The following SMC5 variants were observed in gnomAD, a reference collection of about 807,000 sequenced individuals.
The protein encoded by SMC5 is structural maintenance of chromosomes protein 5.
A neutral mutation model predicts 148.3 loss-of-function variants in SMC5; 88 were observed. That is an observed-to-expected ratio of 0.59 (90% CI 0.50 to 0.71). The LOEUF (loss-of-function observed/expected upper bound fraction) is 0.71. Ranked by LOEUF, SMC5 falls within the 30% of genes least tolerant of loss-of-function variation. The pLI, the probability that SMC5 is intolerant of heterozygous loss-of-function variation, is 0.00. For missense variants in SMC5, 1,142 were observed against 1,298.9 expected, an observed-to-expected ratio of 0.88 and a Z score of 1.86; for synonymous variants, 421 against 432.8, an observed-to-expected ratio of 0.97 and a Z score of 0.34.
At chr9:70,332,317 C>T (rs528688603) in intron 17 of SMC5, among the ~76,000 whole-genome samples, 4 of 151,994 alleles carry the variant, frequency 2.6e-5, no homozygotes, top group African/African-American at 9.6e-5. Context: ...GTCAGGAGTT[C>T]AAGACCAGTC....
chr9:70,277,800 C>T (rs895873411), intron 4 of SMC5, among the ~76,000 whole-genome samples: 13 of 151,476 alleles, frequency 8.6e-5, no homozygotes, highest in African/African-American at 2.4e-4. Context: ...AGTTTTTGTT[C>T]GTATACATTA....
rs374680348 is a variant in SMC5 at position 70,344,238 on chromosome 9, C to T, written c.2492C>T (p.Ala831Val). Reference sequence around the variant, plus strand: ...GCTAGGCAAGTATGTAACCTGGGTGCAGAGCAGACTCTTCCTCAAGAATAC... The same window carrying T: ...GCTAGGCAAGTATGTAACCTGGGTGTAGAGCAGACTCTTCCTCAAGAATAC... ...KRARQVCNLG[A>V]EQTLPQEYQT... Residue 831 changes from alanine to valine, a missense_variant, in exon 18 of 25, where the codon GCA (alanine) becomes GTA (valine). Coordinates refer to ENST00000361138, the MANE Select transcript of SMC5 (RefSeq NM_015110.4). 1.3e-6 allele frequency: 2 copies of T among 1,522,258 alleles called. No homozygotes were observed. Among genetic ancestry groups the T allele is most frequent in the African/African-American group, 1.4e-5 (1 of 71,766 alleles). The allele number at this position is 1,522,258 out of a possible 1,614,324, so 94.3% of individuals were successfully genotyped here. A position where few individuals can be genotyped will look rare whatever the true frequency, so the allele number is the denominator to read the frequency against.
Position 70,296,539 on chromosome 9 carries a change from T to C in SMC5, c.1054-1427T>C, listed in dbSNP as rs143875113. On this transcript the variant is annotated intron_variant, in intron 8 of 24. Coordinates refer to ENST00000361138, the MANE Select transcript of SMC5 (RefSeq NM_015110.4). ...CTGCACTCCAGCCTGGGCAACAGAG[T>C]GAGACTCTGTCTCAAAAAAAAAAAA... 3.9e-3 allele frequency among the ~76,000 whole-genome samples: 577 copies of C among 147,452 alleles called. 3 individuals are homozygous for C. Among genetic ancestry groups the C allele is most frequent in the African/African-American group, 0.014 (536 of 39,642 alleles).
Position 70,353,014 on chromosome 9 carries a change from A to G in SMC5, c.*683A>G, listed in dbSNP as rs993342828. On this transcript the variant is annotated 3_prime_UTR_variant, in exon 25 of 25. Transcript: ENST00000361138. ...TGGCCACTAGATGATGCAAAATACA[A>G]CCAAAAGATTGACTGAGAATAAAAT... 1.3e-5 allele frequency: 2 copies of G among 151,954 alleles called. No homozygotes were observed. Among genetic ancestry groups the G allele is most frequent in the Non-Finnish European group, 2.9e-5 (2 of 67,990 alleles). The allele number at this position is 151,954 out of a possible 1,614,324, so 9.4% of individuals were successfully genotyped here.
At chr9:70,266,042 A>G (rs2034282537) in intron 2 of SMC5, among the ~76,000 whole-genome samples, 1 of 152,200 alleles carries the variant, frequency 6.6e-6, no homozygotes, top group Non-Finnish European at 1.5e-5. Context: ...ACTGGAGAGT[A>G]TGCATTCTTT....
chr9:70,350,164 T>C lies in SMC5; in HGVS notation c.2940T>C (p.Ser980=). The change falls in exon 23 of 25, where the codon AGT becomes AGC. Residue 980 remains serine (S), a synonymous_variant. Transcript: ENST00000361138. ...GIRIRVKFRS[S]TQLHELTPHH... ...GAATTAGAGTCAAATTTCGAAGTAG[T>C]ACTCAACTGCATGAATTAACTCCTC... is the stretch of plus-strand genomic sequence containing the variant. The C allele has an allele frequency of 6.2e-7, 1 of 1,613,064 alleles. No individual in the cohort carries two copies. The highest frequency in any genetic ancestry group is 1.7e-5 in the Admixed American group (1 of 59,916).
chr9:70,287,910 A>G (rs1427787613), intron 8 of SMC5, among the ~76,000 whole-genome samples: 2 of 152,104 alleles, frequency 1.3e-5, no homozygotes, highest in African/African-American at 2.4e-5. Context: ...CCTTTACACT[A>G]TGGTTCCTAT....
intron 6 of SMC5, 45 bp downstream of exon 6, chr9:70,280,944 G>T: frequency 6.2e-7 from 1 of 1,603,028 alleles, no homozygotes. Context: ...TCTTTAAGTA[G>T]CAGAGTAATT....
intron 17 of SMC5, among the ~76,000 whole-genome samples, chr9:70,326,230 G>C (rs989190882): frequency 6.6e-6 from 1 of 152,102 alleles, no homozygotes; most frequent in Non-Finnish European, 1.5e-5. Flanking sequence ...GGATGGATGG[G>C]TGCAAGGGAT....
At chr9:70,342,517 A>G (rs2036556143) in intron 17 of SMC5, among the ~76,000 whole-genome samples, 1 of 152,086 alleles carries the variant, frequency 6.6e-6, no homozygotes, top group Non-Finnish European at 1.5e-5. Context: ...TTTTGTGCCA[A>G]CCAGAGTTTG....
Position 70,305,280 on chromosome 9 carries a change from A to G in SMC5, c.1498A>G (p.Ile500Val), listed in dbSNP as rs115446160. Residue 500 changes from isoleucine (I) to valine (V), a missense_variant, in exon 11 of 25, where the codon ATT becomes GTT. Ile to Val is a conservative substitution (Grantham distance 29). This residue lies in a region of SMC5 where 743 missense variants were observed against 835.7 expected (regional missense o/e 0.89). Coordinates refer to ENST00000361138, the MANE Select transcript of SMC5 (RefSeq NM_015110.4). Reference protein sequence around the residue: ...NMKDNKNAKYIENHIPSNDLR... With the variant: ...NMKDNKNAKYVENHIPSNDLR... The stretch of plus-strand genomic sequence containing the variant: ...GAAAGATAATAAAAATGCCAAATAT[A>G]TTGAAAATCATATTCCATCAAATGA... 37 of 1,591,698 alleles carry G rather than the reference A, an allele frequency of 2.3e-5. No individual in the cohort carries two copies. The African/African-American group carries it at 3.4e-4, about 14-fold the overall frequency.
At chr9:70,289,570 A>C (rs1230719605) in intron 8 of SMC5, among the ~76,000 whole-genome samples, 1 of 152,190 alleles carries the variant, frequency 6.6e-6, no homozygotes, top group African/African-American at 2.4e-5. Context: ...AAGTTTAAAC[A>C]GTTCACATTT....
chr9:70,308,566 G>T (rs557577871), intron 11 of SMC5, among the ~76,000 whole-genome samples: 82 of 118,642 alleles, frequency 6.9e-4, no homozygotes, highest in African/African-American at 2.4e-3. Flanking sequence ...CTGCACTCCA[G>T]CCTGGGCGAC....
Position 70,260,381 on chromosome 9 carries a change from A to C in SMC5, c.185+1118A>C, listed in dbSNP as rs577568731. Reference sequence around the variant, plus strand: ...CTCGGCCTCCCGTAGTGCTGGGATTACAGGCGTGAGCCACCATGTCCGGCC... The same window carrying C: ...CTCGGCCTCCCGTAGTGCTGGGATTCCAGGCGTGAGCCACCATGTCCGGCC... On this transcript the variant is annotated intron_variant, in intron 1 of 24. Coordinates refer to ENST00000361138, the MANE Select transcript of SMC5 (RefSeq NM_015110.4). Among the ~76,000 whole-genome samples the C allele has an allele frequency of 5.9e-5, 9 of 152,302 alleles. No homozygotes were observed. The South Asian group carries it at 1.9e-3, about 32-fold the overall frequency.
intron 8 of SMC5, among the ~76,000 whole-genome samples, chr9:70,295,205 C>T (rs1025066488): frequency 2.6e-5 from 4 of 151,772 alleles, no homozygotes; most frequent in African/African-American, 9.7e-5. Flanking sequence ...GTGGCTCACA[C>T]CTGTAATCCC....
intron 16 of SMC5, 137 bp downstream of exon 16, chr9:70,323,743 C>A (rs1052964275): frequency 1.9e-6 from 2 of 1,037,900 alleles, no homozygotes; most frequent in Non-Finnish European, 2.7e-6. Context: ...TCTTTATCAT[C>A]AGTTTCAGCT....
At chr9:70,313,485 T>TTTTTG (rs1031159968) in intron 11 of SMC5, among the ~76,000 whole-genome samples, 11 of 152,042 alleles carry the variant, frequency 7.2e-5, no homozygotes, top group African/African-American at 2.2e-4. Context: ...GTAGTTGTTT[T>TTTTTG]TTTTGTTTTG....
At chr9:70,289,239 C>T (rs1180129) in intron 8 of SMC5, among the ~76,000 whole-genome samples, 131,527 of 152,118 alleles carry the variant, frequency 0.86, 57,130 homozygotes, top group Non-Finnish European at 0.91. Flanking sequence ...AGTTTCACCA[C>T]GTTGGCCAGG....
chr9:70,339,817 C>G (rs902390096), intron 17 of SMC5, among the ~76,000 whole-genome samples: 14 of 152,188 alleles, frequency 9.2e-5, no homozygotes, highest in Admixed American at 1.3e-4. Context: ...GGCAACAGAC[C>G]TATAAAACAT....
Sources: allele counts gnomAD v4.1 joint callset (sites outside exome capture counted in the v4.1 genomes callset), GRCh38; gene constraint gnomAD v4.1.1; regional missense constraint gnomAD v4.1.1; transcripts MANE v1.5; gene names NCBI Gene and HGNC (gene_info 2026-07-23, HGNC 2026-07-21).